Variants in DNAJB6 observed in about 807,000 individuals in gnomAD.
DNAJB6 encodes the protein DnaJ heat shock protein family (Hsp40) member B6.
A neutral mutation model predicts 42.7 loss-of-function variants in DNAJB6; 16 were observed. That is an observed-to-expected ratio of 0.37 (90% CI 0.25 to 0.57). The LOEUF (loss-of-function observed/expected upper bound fraction) is 0.57, where lower values mean the gene tolerates loss of function less well. Among genes scored for constraint, DNAJB6 ranks in the 20% least tolerant of loss-of-function variants. The pLI is 0.74. For missense variants in DNAJB6, 347 were observed against 416.8 expected (o/e 0.83, Z 1.46); for synonymous variants, 170 against 163.5 (o/e 1.04, Z -0.30).
intron 1 of DNAJB6, among the ~76,000 whole-genome samples, chr7:157,340,997 T>TGTGC (rs902019051): frequency 4.8e-4 from 57 of 118,398 alleles, no homozygotes; most frequent in South Asian, 1.6e-3. Flanking sequence ...TGTGTGTGTG[T>TGTGC]GCGCGCGCGC....
At position 157,416,077 on chromosome 7, in the gene DNAJB6, G is replaced by GTCGACCAAAGGC. The variant is rs1554471187; in HGVS notation, c.961_972dup (p.Ser321_Gly324dup). On this transcript the variant is annotated inframe_insertion, in exon 10 of 10. Coordinates refer to ENST00000262177, the MANE Select transcript of DNAJB6 (RefSeq NM_058246.4). The stretch of plus-strand genomic sequence containing the variant: ...AGAGAGAGGAGTCGAAGAAGAAGAA[G>GTCGACCAAAGGC]TCGACCAAAGGCAATCACTAGACCG... 1.2e-6 allele frequency: 2 copies of GTCGACCAAAGGC among 1,614,092 alleles called. No homozygotes were observed. Among genetic ancestry groups the GTCGACCAAAGGC allele is most frequent in the Admixed American group, 1.7e-5 (1 of 60,006 alleles).
chr7:157,404,198 G>A (rs1453818860), intron 8 of DNAJB6, among the ~76,000 whole-genome samples: 7 of 151,372 alleles, frequency 4.6e-5, no homozygotes, highest in Non-Finnish European at 1.0e-4. Flanking sequence ...CAAACTCTTG[G>A]GCCCAAGTGA....
At chr7:157,382,956 T>C (rs1800861390) in intron 6 of DNAJB6, among the ~76,000 whole-genome samples, 1 of 152,226 alleles carries the variant, frequency 6.6e-6, no homozygotes, top group African/African-American at 2.4e-5. Flanking sequence ...CCCACTTTTC[T>C]CTGAAGCTCA....
At chr7:157,354,808 T>C (rs1231596150) in intron 1 of DNAJB6, among the ~76,000 whole-genome samples, 1 of 152,192 alleles carries the variant, frequency 6.6e-6, no homozygotes, top group Non-Finnish European at 1.5e-5. Flanking sequence ...TTTATTTGTG[T>C]CTGTGTGCTG....
chr7:157,381,952 T>G (rs1800800863), intron 5 of DNAJB6: 1 of 205,124 alleles, frequency 4.9e-6, no homozygotes, highest in Non-Finnish European at 9.8e-6. Context: ...AGAGCTGAGT[T>G]TGAAGTGCAT....
At chr7:157,401,843 G>A (rs1475194620) in intron 8 of DNAJB6, among the ~76,000 whole-genome samples, 3 of 152,190 alleles carry the variant, frequency 2.0e-5, no homozygotes, top group Admixed American at 6.5e-5. Context: ...GTCTCCACGC[G>A]CCCTTCCCAG....
chr7:157,348,844 C>T (rs991061616), intron 1 of DNAJB6, among the ~76,000 whole-genome samples: 2 of 152,158 alleles, frequency 1.3e-5, no homozygotes, highest in African/African-American at 4.8e-5. Context: ...CTTGCTGCGT[C>T]CCACATGGGC....
At chr7:157,415,924 T>C in intron 9 of DNAJB6, 92 bp from the exon 10 acceptor site, 1 of 1,596,846 alleles carries the variant, frequency 6.3e-7, no homozygotes, top group Non-Finnish European at 8.5e-7. Flanking sequence ...CTTTTTGTTC[T>C]TAACATGGGG....
At chr7:157,375,444 AAC>A (rs1800423307) in intron 5 of DNAJB6, among the ~76,000 whole-genome samples, 1 of 152,222 alleles carries the variant, frequency 6.6e-6, no homozygotes, top group African/African-American at 2.4e-5. Flanking sequence ...ACTTTTGGGA[AAC>A]AGATTACTCT....
intron 1 of DNAJB6, among the ~76,000 whole-genome samples, chr7:157,346,349 A>T (rs905508138): frequency 6.6e-6 from 1 of 151,486 alleles, no homozygotes; most frequent in African/African-American, 2.4e-5. Context: ...TTAAAGATAC[A>T]ACTTAGTTTC....
intron 5 of DNAJB6, chr7:157,381,745 C>CGTGT (rs3839841): frequency 0.076 from 11,250 of 148,710 alleles, 421 homozygotes; most frequent in Middle Eastern, 0.086. Context: ...CACCATTCCT[C>CGTGT]GTGTGTGTGT....
chr7:157,350,585 A>G (rs1018039413), intron 1 of DNAJB6, among the ~76,000 whole-genome samples: 2 of 152,192 alleles, frequency 1.3e-5, no homozygotes, highest in Non-Finnish European at 2.9e-5. Context: ...TGGATGCCTT[A>G]TGAGTCAGAG....
At chr7:157,374,010 A>T (rs148059170) in intron 5 of DNAJB6, among the ~76,000 whole-genome samples, 138 of 152,258 alleles carry the variant, frequency 9.1e-4, no homozygotes, top group African/African-American at 3.2e-3. Context: ...ATGAGATGCC[A>T]TCTCTAAAAA....
intron 1 of DNAJB6, among the ~76,000 whole-genome samples, chr7:157,346,759 AACAGTGGGGATTGTTGCAGCATCAGC>A (rs1300982996): frequency 1.3e-5 from 2 of 152,238 alleles, no homozygotes; most frequent in African/African-American, 2.4e-5. Flanking sequence ...GCTTGCAGCA[AACAGTGGGGATTGTTGCAGCATCAGC>A]ACTTCAGCCA....
At chr7:157,369,208 A>T in intron 5 of DNAJB6, 1 of 449,280 alleles carries the variant, frequency 2.2e-6, no homozygotes, top group Admixed American at 2.4e-5. Flanking sequence ...AACAGAGCTC[A>T]AGAAAGAACC....
intron 5 of DNAJB6, chr7:157,378,927 T>C (rs1481256752): frequency 2.0e-5 from 3 of 152,208 alleles, no homozygotes; most frequent in Non-Finnish European, 4.4e-5. Context: ...TTCTTAGCAC[T>C]GTTTCTGTTA....
At chr7:157,401,831 C>T (rs1795531168) in intron 8 of DNAJB6, among the ~76,000 whole-genome samples, 1 of 152,338 alleles carries the variant, frequency 6.6e-6, no homozygotes, top group Non-Finnish European at 1.5e-5. Context: ...CCTCCTGCCG[C>T]CGTCTCCACG....
intron 1 of DNAJB6, among the ~76,000 whole-genome samples, chr7:157,352,470 A>G (rs1340672233): frequency 2.0e-5 from 3 of 151,808 alleles, no homozygotes; most frequent in African/African-American, 7.3e-5. Flanking sequence ...ATTCAGTTGA[A>G]TGTGGAATGA....
chr7:157,343,862 A>C (rs1008250252), intron 1 of DNAJB6, among the ~76,000 whole-genome samples: 52 of 152,064 alleles, frequency 3.4e-4, no homozygotes. Flanking sequence ...GTTTTAATAG[A>C]GATTTTTCGT....
Sources: gnomAD v4.1 joint callset for allele counts (sites outside exome capture counted in the v4.1 genomes callset) on GRCh38, gnomAD v4.1.1 for gene constraint, MANE v1.5 for transcripts, NCBI Gene and HGNC (gene_info 2026-07-23, HGNC 2026-07-21) for gene names.